The following PTPRK variants were observed in gnomAD, a reference collection of about 807,000 sequenced individuals.
The protein encoded by PTPRK is receptor-type tyrosine-protein phosphatase kappa.
In PTPRK, 75 loss-of-function variants were observed where a neutral mutation model predicts 178.0. The ratio of observed to expected loss-of-function variants is 0.42; its 90% CI spans 0.35 to 0.51. The LOEUF is 0.51. Ranked by LOEUF, PTPRK falls within the 20% of genes least tolerant of loss-of-function variation. The pLI is 0.02. For missense variants in PTPRK, 1,441 were observed against 1,797.8 expected (o/e 0.80, Z 3.59); for synonymous variants, 637 against 620.6 (o/e 1.03, Z -0.39).
intron 1 of PTPRK, among the ~76,000 whole-genome samples, chr6:128,423,097 A>G (rs1381555386): frequency 6.6e-6 from 1 of 152,240 alleles, no homozygotes; most frequent in Non-Finnish European, 1.5e-5. Flanking sequence ...ATTAGCAATG[A>G]AGGAAAACTA....
At chr6:128,338,942 C>G (rs1323494784) in intron 2 of PTPRK, among the ~76,000 whole-genome samples, 4 of 152,044 alleles carry the variant, frequency 2.6e-5, no homozygotes, top group Admixed American at 2.0e-4. Context: ...AGCAAAGATG[C>G]TACAAACATA....
chr6:128,437,193 G>GCCC (rs912075554), intron 1 of PTPRK, among the ~76,000 whole-genome samples: 4 of 152,108 alleles, frequency 2.6e-5, no homozygotes, highest in Non-Finnish European at 4.4e-5. Flanking sequence ...TTATGGAAAT[G>GCCC]CCCTAGTACT....
chr6:128,252,895 A>G (rs1816700466), intron 3 of PTPRK, among the ~76,000 whole-genome samples: 1 of 152,204 alleles, frequency 6.6e-6, no homozygotes, highest in Admixed American at 6.5e-5. Flanking sequence ...CTGTGCTACA[A>G]AAACAGTACC....
At chr6:128,139,105 A>G (rs546075443) in intron 7 of PTPRK, among the ~76,000 whole-genome samples, 1 of 152,162 alleles carries the variant, frequency 6.6e-6, no homozygotes, top group South Asian at 2.1e-4. Flanking sequence ...ATGAAAGAGA[A>G]TATGTCTAGC....
intron 1 of PTPRK, among the ~76,000 whole-genome samples, chr6:128,423,890 T>G (rs1843779340): frequency 6.6e-6 from 1 of 151,746 alleles, no homozygotes; most frequent in Admixed American, 6.6e-5. Context: ...TAATTGACTC[T>G]TAAGAGAACT....
chr6:127,989,570 C>T (rs1023585992), intron 21 of PTPRK, among the ~76,000 whole-genome samples: 2 of 151,880 alleles, frequency 1.3e-5, no homozygotes, highest in Admixed American at 1.3e-4. Context: ...AAGTTAACTT[C>T]TCAAAGGACA....
rs188956767 is a variant in PTPRK, at chr6:128,386,419, C to T, written c.223+11147G>A. ...TACCTAGTCTGAGTTTATAGGGTCCCGGCCTGAGAGGAAATAGTTAATCCC... is the reference window on the plus strand; with the variant it reads ...TACCTAGTCTGAGTTTATAGGGTCCTGGCCTGAGAGGAAATAGTTAATCCC... On this transcript the variant is annotated intron_variant, in intron 2 of 29. Transcript: ENST00000368226. Among the ~76,000 whole-genome samples the T allele has an allele frequency of 2.2e-3, 339 of 152,170 alleles. 1 individual carries two copies. Among genetic ancestry groups the T allele is most frequent in the Middle Eastern group, 3.4e-3 (1 of 294 alleles).
At chr6:128,344,333 C>T (rs1256757500) in intron 2 of PTPRK, among the ~76,000 whole-genome samples, 1 of 152,128 alleles carries the variant, frequency 6.6e-6, no homozygotes, top group African/African-American at 2.4e-5. Context: ...AAATCACACT[C>T]ATCTTTTAAA....
chr6:128,151,651 C>T (rs1258495282), intron 7 of PTPRK, among the ~76,000 whole-genome samples: 1 of 151,924 alleles, frequency 6.6e-6, no homozygotes, highest in Non-Finnish European at 1.5e-5. Flanking sequence ...TTCTATAAAT[C>T]TATGCTTCTT....
intron 1 of PTPRK, among the ~76,000 whole-genome samples, chr6:128,515,719 C>A (rs1477208216): frequency 6.6e-6 from 1 of 152,104 alleles, no homozygotes; most frequent in Non-Finnish European, 1.5e-5. Flanking sequence ...CACACAGAAT[C>A]CCTGTGTTCT....
chr6:128,241,751 A>G (rs1383610120), intron 4 of PTPRK, among the ~76,000 whole-genome samples: 1 of 151,894 alleles, frequency 6.6e-6, no homozygotes, highest in African/African-American at 2.4e-5. Context: ...CTGTGTATTA[A>G]TAAACCGAGT....
intron 25 of PTPRK, among the ~76,000 whole-genome samples, chr6:127,980,319 AAAC>A (rs1397266691): frequency 1.3e-5 from 2 of 152,018 alleles, no homozygotes; most frequent in Non-Finnish European, 2.9e-5. Context: ...TCAAAAACAA[AAAC>A]AACAACAAAC....
intron 13 of PTPRK, among the ~76,000 whole-genome samples, chr6:128,036,048 T>G (rs1277760362): frequency 6.6e-6 from 1 of 152,164 alleles, no homozygotes; most frequent in Non-Finnish European, 1.5e-5. Flanking sequence ...TGTTGGTAAA[T>G]GGAATGGAAT....
In PTPRK at chr6:128,492,695, C is replaced by T. The variant is rs551919984; in HGVS notation, c.100+27564G>A. Among the ~76,000 whole-genome samples, 3 of 152,312 alleles carry T rather than the reference C, an allele frequency of 2.0e-5. No homozygotes were observed. In the South Asian group the frequency reaches 6.2e-4, roughly 32 times the overall value. ...TCATGCTCAGTATCTAATTCATCTC[C>T]TACTACTCTATTGAATATAACCCAC... On this transcript the variant is annotated intron_variant, in intron 1 of 29. Transcript: ENST00000368226.
At chr6:128,446,412 G>A (rs1411736898) in intron 1 of PTPRK, among the ~76,000 whole-genome samples, 1 of 152,132 alleles carries the variant, frequency 6.6e-6, no homozygotes, top group Non-Finnish European at 1.5e-5. Flanking sequence ...TGTACAAACC[G>A]CTTTCCACAG....
rs1185379003 is a variant in PTPRK at position 128,519,312 on chromosome 6, G to A, written c.100+947C>T. On this transcript the variant is annotated intron_variant, in intron 1 of 29. Transcript: ENST00000368226. The surrounding 1 kb of genome is among the most constrained non-coding windows in gnomAD (Gnocchi z 4.3). ...AAAACTGGAGGGGAACAGAGGGCGGGACCGGGAGAGCCAGGGTTCACGGAC... is the reference window on the plus strand; with the variant it reads ...AAAACTGGAGGGGAACAGAGGGCGGAACCGGGAGAGCCAGGGTTCACGGAC... Among the ~76,000 whole-genome samples, 1 of 152,218 alleles carries A rather than the reference G, an allele frequency of 6.6e-6. No individual in the cohort carries two copies. Among genetic ancestry groups the A allele is most frequent in the Admixed American group, 6.5e-5 (1 of 15,292 alleles).
At chr6:128,356,355 C>T (rs749695309) in intron 2 of PTPRK, among the ~76,000 whole-genome samples, 18 of 152,148 alleles carry the variant, frequency 1.2e-4, no homozygotes, top group Non-Finnish European at 1.0e-4. Flanking sequence ...ATTTGCATGG[C>T]GAGCTCACTT....
At chr6:128,355,539 G>A (rs1833834764) in intron 2 of PTPRK, among the ~76,000 whole-genome samples, 1 of 152,072 alleles carries the variant, frequency 6.6e-6, no homozygotes, top group African/African-American at 2.4e-5. Context: ...TGTGGGTATA[G>A]GTGCATGTAT....
intron 6 of PTPRK, among the ~76,000 whole-genome samples, chr6:128,217,067 C>T (rs780066663): frequency 4.9e-4 from 74 of 152,272 alleles, no homozygotes; most frequent in South Asian, 1.0e-3. Flanking sequence ...AGCACGCCCA[C>T]GTTCCTGTAG....
Sources: gnomAD v4.1 joint callset for allele counts (sites outside exome capture counted in the v4.1 genomes callset) on GRCh38, gnomAD v4.1.1 for gene constraint, Gnocchi (gnomAD v3.1) non-coding constraint, MANE v1.5 for transcripts, NCBI Gene and HGNC (gene_info 2026-07-23, HGNC 2026-07-21) for gene names.